Variants in DPP10 observed in about 807,000 individuals in gnomAD.
DPP10 encodes the protein dipeptidyl peptidase like 10.
A neutral mutation model predicts 120.9 loss-of-function variants in DPP10; 33 were observed. That is an observed-to-expected ratio of 0.27 (90% CI 0.21 to 0.37). The LOEUF (loss-of-function observed/expected upper bound fraction) is 0.37, where lower values mean the gene tolerates loss of function less well. Among genes scored for constraint, DPP10 ranks in the 10% least tolerant of loss-of-function variants. DPP10 has a pLI of 1.00. For synonymous variants in DPP10, 337 were observed against 326.1 expected, an observed-to-expected ratio of 1.03 and a Z score of -0.36; for missense variants, 816 against 942.8, an observed-to-expected ratio of 0.87 and a Z score of 1.76.
chr2:115,469,697 G>C (rs751172001), intron 3 of DPP10, among the ~76,000 whole-genome samples: 4 of 152,072 alleles, frequency 2.6e-5, no homozygotes, highest in Non-Finnish European at 5.9e-5. Flanking sequence ...GCGGGAGCTC[G>C]AGACCAGCCT....
At chr2:114,726,638 T>C (rs1172961271) in intron 1 of DPP10, among the ~76,000 whole-genome samples, 4 of 152,174 alleles carry the variant, frequency 2.6e-5, no homozygotes, top group African/African-American at 4.8e-5. Context: ...ATTTCAATTA[T>C]GGAAAAATAG....
intron 5 of DPP10, among the ~76,000 whole-genome samples, chr2:115,643,632 G>T: frequency 6.6e-6 from 1 of 152,162 alleles, no homozygotes; most frequent in Admixed American, 6.6e-5. Context: ...TAAATTACAA[G>T]AATTACTTGT....
chr2:114,923,639 T>C (rs965832545), intron 1 of DPP10, among the ~76,000 whole-genome samples: 2 of 151,750 alleles, frequency 1.3e-5, no homozygotes, highest in East Asian at 2.0e-4. Flanking sequence ...CCACCACGCC[T>C]GGCTAATTTT....
At chr2:114,780,268 T>C (rs952037348) in intron 1 of DPP10, among the ~76,000 whole-genome samples, 5 of 152,186 alleles carry the variant, frequency 3.3e-5, no homozygotes, top group Non-Finnish European at 5.9e-5. Flanking sequence ...ATCTAACTCA[T>C]CTAACTCCAT....
At chr2:115,318,783 AATCATCTATT>A (rs2061920710) in intron 2 of DPP10, among the ~76,000 whole-genome samples, 1 of 152,136 alleles carries the variant, frequency 6.6e-6, no homozygotes, top group Non-Finnish European at 1.5e-5. Context: ...ACTTTGTTGA[AATCATCTATT>A]AGCTTTAGTA....
intron 1 of DPP10, among the ~76,000 whole-genome samples, chr2:114,714,883 A>G (rs1038289929): frequency 1.2e-4 from 18 of 152,216 alleles, no homozygotes; most frequent in Admixed American, 2.6e-4. Context: ...TAAACAAAGA[A>G]AGAAACAAAA....
chr2:114,625,414 T>C (rs1326421394), intron 1 of DPP10, among the ~76,000 whole-genome samples: 1 of 151,986 alleles, frequency 6.6e-6, no homozygotes, highest in Admixed American at 6.6e-5. Context: ...AGGCACACTA[T>C]GTTATTTGAT....
chr2:115,409,910 G>T (rs1170770513), intron 3 of DPP10, among the ~76,000 whole-genome samples: 4 of 152,212 alleles, frequency 2.6e-5, no homozygotes, highest in African/African-American at 9.6e-5. Flanking sequence ...AGTAACTCGG[G>T]ATTGGAAAAC....
At chr2:115,227,061 T>C (rs888535496) in intron 1 of DPP10, among the ~76,000 whole-genome samples, 2 of 152,184 alleles carry the variant, frequency 1.3e-5, no homozygotes, top group Admixed American at 6.5e-5. Context: ...TTGTAGGTTG[T>C]TCTCTTAGGC....
rs542474500 is a variant in DPP10 at position 115,489,627 on chromosome 2, T to A, written c.272-9883T>A. Among the ~76,000 whole-genome samples the A allele has an allele frequency of 4.8e-3, 723 of 151,626 alleles. 5 individuals are homozygous for A. Among genetic ancestry groups the A allele is most frequent in the South Asian group, 0.016 (75 of 4,812 alleles). On this transcript the variant is annotated intron_variant, in intron 3 of 25. Transcript: ENST00000410059. Reference sequence around the variant, plus strand: ...TAAAACTGGCGCTTTTTTTTTTTTTTAAATTAAGCTGGTACAATTTGACTT... The same window carrying A: ...TAAAACTGGCGCTTTTTTTTTTTTTAAAATTAAGCTGGTACAATTTGACTT...
At chr2:115,004,888 C>T (rs1339591598) in intron 1 of DPP10, among the ~76,000 whole-genome samples, 6 of 152,264 alleles carry the variant, frequency 3.9e-5, no homozygotes, top group East Asian at 3.9e-4. Flanking sequence ...GGCCTGCCTG[C>T]CTGTGTAGGC....
intron 1 of DPP10, among the ~76,000 whole-genome samples, chr2:115,191,303 G>C (rs983843923): frequency 2.6e-5 from 4 of 152,212 alleles, no homozygotes; most frequent in Non-Finnish European, 5.9e-5. Flanking sequence ...GCTCTAGGAG[G>C]ACAAGATTTC....
At position 114,991,209 on chromosome 2, in the gene DPP10, C is replaced by A. The variant is rs563296421; in HGVS notation, c.61-318030C>A. On this transcript the variant is annotated intron_variant, in intron 1 of 25. Coordinates refer to ENST00000410059, the MANE Select transcript of DPP10 (RefSeq NM_020868.6). ...ACAGGAAAACACCAGTGTCTTAAAG[C>A]AACAGTTACAGCCCTAGCCAACTGT... 5.3e-5 allele frequency among the ~76,000 whole-genome samples: 8 copies of A among 152,200 alleles called. No individual in the cohort carries two copies. The East Asian group carries it at 1.4e-3, about 26-fold the overall frequency.
chr2:115,027,897 G>C (rs1307042019), intron 1 of DPP10, among the ~76,000 whole-genome samples: 1 of 151,986 alleles, frequency 6.6e-6, no homozygotes, highest in East Asian at 1.9e-4. Context: ...GTTTATTGGT[G>C]TATAGTTGTT....
At chr2:115,675,393 A>G (rs919931846) in intron 5 of DPP10, among the ~76,000 whole-genome samples, 1 of 152,104 alleles carries the variant, frequency 6.6e-6, no homozygotes, top group Non-Finnish European at 1.5e-5. Context: ...ATGGCTTACT[A>G]GAAGCCTCTA....
At chr2:115,226,870 T>G (rs1233838473) in intron 1 of DPP10, among the ~76,000 whole-genome samples, 1 of 152,170 alleles carries the variant, frequency 6.6e-6, no homozygotes, top group Non-Finnish European at 1.5e-5. Context: ...TATAACCAAT[T>G]GTAATAAATG....
At chr2:115,541,936 C>T (rs1267246740) in intron 5 of DPP10, among the ~76,000 whole-genome samples, 2 of 151,924 alleles carry the variant, frequency 1.3e-5, no homozygotes, top group Non-Finnish European at 2.9e-5. Flanking sequence ...TACAGACTCA[C>T]ACAAATTTGC....
chr2:114,942,842 G>C (rs1373233620), intron 1 of DPP10, among the ~76,000 whole-genome samples: 1 of 152,130 alleles, frequency 6.6e-6, no homozygotes, highest in Non-Finnish European at 1.5e-5. Context: ...AAATTAGGAA[G>C]ATAACTGAAT....
intron 3 of DPP10, among the ~76,000 whole-genome samples, chr2:115,424,222 AT>A (rs1182018343): frequency 2.0e-5 from 3 of 152,124 alleles, no homozygotes; most frequent in African/African-American, 2.4e-5. Context: ...ACTTCTCAAT[AT>A]TTTTTTAAAG....
Sources: allele counts gnomAD v4.1 joint callset (sites outside exome capture counted in the v4.1 genomes callset), GRCh38; gene constraint gnomAD v4.1.1; transcripts MANE v1.5; gene names NCBI Gene and HGNC (gene_info 2026-07-23, HGNC 2026-07-21).